The following GRIK5 variants were observed in gnomAD, a reference collection of about 807,000 sequenced individuals.
The protein encoded by GRIK5 is glutamate receptor ionotropic, kainate 5.
Under a neutral mutation model 97.4 loss-of-function variants are expected in GRIK5, and 43 were observed. The ratio of observed to expected loss-of-function variants is 0.44; its 90% CI spans 0.35 to 0.57. The LOEUF (loss-of-function observed/expected upper bound fraction) is 0.57. Among genes scored for constraint, GRIK5 ranks in the 20% least tolerant of loss-of-function variants. GRIK5 has a pLI of 0.01. For missense variants in GRIK5, 1,015 were observed against 1,382.0 expected (o/e 0.73, Z 4.21); for synonymous variants, 580 against 583.5 (o/e 0.99, Z 0.09).
chr19:42,031,112 C>A (rs1434305136), intron 12 of GRIK5, among the ~76,000 whole-genome samples: 1 of 152,168 alleles, frequency 6.6e-6, no homozygotes, highest in Non-Finnish European at 1.5e-5. Flanking sequence ...CTGACTTGCT[C>A]CAATAGAGAA....
chr19:42,066,246 A>G (rs1209265749), intron 1 of GRIK5, among the ~76,000 whole-genome samples: 1 of 151,334 alleles, frequency 6.6e-6, no homozygotes, highest in Non-Finnish European at 1.5e-5. Flanking sequence ...AACCGGCTGG[A>G]GAGGATGCGG....
In GRIK5 at chr19:42,062,104, T is replaced by C. The variant is rs953876166; in HGVS notation, c.508+384A>G. 6.6e-6 allele frequency among the ~76,000 whole-genome samples: 1 copy of C among 152,184 alleles called. No homozygotes were observed. Among genetic ancestry groups the C allele is most frequent in the African/African-American group, 2.4e-5 (1 of 41,442 alleles). ...AGACACAGGCTCTGAACCTCCCAGA[T>C]GGATTAGGATCCCTCCTATGTGATA... On this transcript the variant is annotated intron_variant, in intron 5 of 19. Coordinates refer to ENST00000593562, the MANE Select transcript of GRIK5 (RefSeq NM_002088.5). The surrounding 1 kb of genome is among the most constrained non-coding windows in gnomAD (Gnocchi z 5.3).
chr19:42,024,066 G>A (rs952702819), intron 12 of GRIK5, among the ~76,000 whole-genome samples: 5 of 152,034 alleles, frequency 3.3e-5, no homozygotes, highest in Non-Finnish European at 4.4e-5. Flanking sequence ...GCTCATGCCC[G>A]CCTCAGAGCC....
Position 42,012,542 on chromosome 19 carries a change from C to A in GRIK5, c.1872-5732G>T, listed in dbSNP as rs931038862. On this transcript the variant is annotated intron_variant, in intron 15 of 19. Transcript: ENST00000593562. ...CTAGGATTACAGGCATGAGCCACCACGCCCGGCCAGTTTTCACATTTTTAA... is the reference window on the plus strand; with the variant it reads ...CTAGGATTACAGGCATGAGCCACCAAGCCCGGCCAGTTTTCACATTTTTAA... 2.6e-5 allele frequency among the ~76,000 whole-genome samples: 4 copies of A among 152,240 alleles called. No individual in the cohort carries two copies. The East Asian group carries it at 7.7e-4, about 29-fold the overall frequency.
At chr19:42,013,817 C>G (rs191309686) in intron 15 of GRIK5, among the ~76,000 whole-genome samples, 14 of 152,134 alleles carry the variant, frequency 9.2e-5, no homozygotes, top group Admixed American at 2.6e-4. Flanking sequence ...TGCTTGAGCC[C>G]AAGAGTTTGA....
chr19:42,012,224 G>GTGTATGTA (rs541112270), intron 15 of GRIK5, among the ~76,000 whole-genome samples: 542 of 151,464 alleles, frequency 3.6e-3, no homozygotes, highest in African/African-American at 6.1e-3. Context: ...ATACATGTAT[G>GTGTATGTA]TGTATGTATG....
chr19:42,000,349 G>A (rs369627925), intron 19 of GRIK5, among the ~76,000 whole-genome samples: 3 of 152,206 alleles, frequency 2.0e-5, no homozygotes, highest in African/African-American at 2.4e-5. Flanking sequence ...GGCTGGACCA[G>A]AGCGACCTGA....
Position 42,003,304 on chromosome 19 carries a change from T to TGC in GRIK5, c.2514+26_2514+27dup. On this transcript the variant is annotated intron_variant, in intron 19 of 19. Transcript: ENST00000593562. This position sits in a 1 kb window ranked among gnomAD's most constrained non-coding sequence, Gnocchi z 4.2. The stretch of plus-strand genomic sequence containing the variant: ...CTCAGCCCCTGGGGGTCCCTGTTCC[T>TGC]GCCCACCCCCACCCCCAGCCTCCTC... The TGC allele has an allele frequency of 1.9e-6, 3 of 1,578,368 alleles. No homozygotes were observed. The highest frequency in any genetic ancestry group is 1.3e-5 in the African/African-American group (1 of 74,378).
chr19:42,021,191 G>A lies in GRIK5; in HGVS notation c.1871+110C>T, dbSNP rs1599768775. On this transcript the variant is annotated intron_variant, in intron 15 of 19. Transcript: ENST00000593562. This position sits in a 1 kb window ranked among gnomAD's most constrained non-coding sequence, Gnocchi z 4.2. ...CATTCCTCGTCACACAGCTCTGCAA[G>A]GGAAAACGGGGAATCAAATCTTCCA... is the stretch of plus-strand genomic sequence containing the variant. 2.3e-6 allele frequency: 2 copies of A among 869,736 alleles called. No individual in the cohort carries two copies. The highest frequency in any genetic ancestry group is 5.5e-5 in the East Asian group (2 of 36,368). The allele number at this position is 869,736 out of a possible 1,614,324, so 53.9% of individuals were successfully genotyped here. A position where few individuals can be genotyped will look rare whatever the true frequency, so the allele number is the denominator to read the frequency against.
intron 12 of GRIK5, among the ~76,000 whole-genome samples, chr19:42,024,670 C>T (rs1460446820): frequency 2.6e-5 from 4 of 152,176 alleles, no homozygotes; most frequent in Non-Finnish European, 4.4e-5. Flanking sequence ...CGGGTTTGAC[C>T]GAGTACAGCC....
intron 12 of GRIK5, among the ~76,000 whole-genome samples, chr19:42,041,007 G>T (rs2075970876): frequency 6.6e-6 from 1 of 152,152 alleles, no homozygotes; most frequent in Non-Finnish European, 1.5e-5. Context: ...TGTGGGGTGG[G>T]GTGGGAGGCA....
chr19:42,009,043 A>G (rs1568883989), intron 15 of GRIK5, among the ~76,000 whole-genome samples: 2 of 151,956 alleles, frequency 1.3e-5, no homozygotes, highest in Admixed American at 6.6e-5. Flanking sequence ...CCTGGTCAAC[A>G]TAGCCAGACC....
Position 41,999,075 on chromosome 19 carries a change from C to A in GRIK5, c.2739G>T (p.Pro913=), listed in dbSNP as rs782515257. ...HGGPQRLLDD[P]GPPSGARPAA... ...CGGGTCGGGCTCCGCTGGGGGGCCC[C>A]GGGTCGTCCAGGAGGCGCTGCGGGC... Residue 913 remains proline, a synonymous_variant, in exon 20 of 20, where the codon CCG becomes CCT. Transcript: ENST00000593562. The surrounding 1 kb of genome is among the most constrained non-coding windows in gnomAD (Gnocchi z 5.0). 7.7e-7 allele frequency: 1 copy of A among 1,299,224 alleles called. No individual in the cohort carries two copies. Among genetic ancestry groups the A allele is most frequent in the Admixed American group, 4.2e-5 (1 of 23,930 alleles). 80.5% of individuals were successfully genotyped at this position (1,299,224 alleles called of 1,614,324 possible). A position where few individuals can be genotyped will look rare whatever the true frequency, so the allele number is the denominator to read the frequency against.
chr19:42,031,598 A>G (rs2075841774), intron 12 of GRIK5, among the ~76,000 whole-genome samples: 1 of 152,212 alleles, frequency 6.6e-6, no homozygotes, highest in Admixed American at 6.5e-5. Context: ...AAAGCAGGAA[A>G]AATCAAAATG....
At position 42,065,230 on chromosome 19, in the gene GRIK5, C is replaced by T. The variant is rs187599819; in HGVS notation, c.237G>A (p.Thr79=). The T allele has an allele frequency of 6.2e-5, 100 of 1,610,140 alleles. No individual in the cohort carries two copies. Among genetic ancestry groups the T allele is most frequent in the Middle Eastern group, 1.7e-4 (1 of 6,042 alleles). The change falls in exon 3 of 20, where the codon ACG becomes ACA. Residue 79 remains threonine (T), a synonymous_variant. Coordinates refer to ENST00000593562, the MANE Select transcript of GRIK5 (RefSeq NM_002088.5). This position sits in a 1 kb window ranked among gnomAD's most constrained non-coding sequence, Gnocchi z 5.8. ...ELQRDSQYET[T]DTMCQILPKG... is the part of the protein sequence containing the mutation. Reference sequence around the variant, plus strand: ...CCCCATGGCCCCGCTCACTGGTGTCCGTGGTCTCGTACTGGCTGTCCCGCT... The same window carrying T: ...CCCCATGGCCCCGCTCACTGGTGTCTGTGGTCTCGTACTGGCTGTCCCGCT...
chr19:42,055,758 C>G (rs2076174966), intron 8 of GRIK5, among the ~76,000 whole-genome samples: 1 of 152,098 alleles, frequency 6.6e-6, no homozygotes, highest in Admixed American at 6.5e-5. Flanking sequence ...TGGCTCACTG[C>G]AACCTCTTCT....
rs2076398984 is a variant in GRIK5 at position 42,069,809 on chromosome 19, C to G, written c.-619G>C. On this transcript the variant is annotated 5_prime_UTR_variant, in exon 1 of 20. Coordinates refer to ENST00000593562, the MANE Select transcript of GRIK5 (RefSeq NM_002088.5). ...CCTGGTTGAGGCAAGGGCCCGGAGT[C>G]CTCAAGCCCTCAGCCCCCACGGGAA... is the stretch of plus-strand genomic sequence containing the variant. 6.6e-6 allele frequency among the ~76,000 whole-genome samples: 1 copy of G among 151,974 alleles called. No individual in the cohort carries two copies.
In GRIK5 at chr19:42,054,504, A is replaced by C. The variant is rs769754857; in HGVS notation, c.904-32T>G. On this transcript the variant is annotated intron_variant, in intron 8 of 19. Transcript: ENST00000593562. ...TGGGACAGAGGCGGGGGTGGGATGG[A>C]TAAGAGGCTGCCTAGGCAGAGGAGC... 5 of 1,603,242 alleles carry C rather than the reference A, an allele frequency of 3.1e-6. No individual in the cohort carries two copies. In the African/African-American group the frequency reaches 6.7e-5, roughly 21 times the overall value.
At chr19:42,015,318 T>C (rs1218596578) in intron 15 of GRIK5, among the ~76,000 whole-genome samples, 3 of 152,192 alleles carry the variant, frequency 2.0e-5, no homozygotes, top group Non-Finnish European at 4.4e-5. Flanking sequence ...TGGACCCTTA[T>C]AGAACACTGC....
Sources: allele counts gnomAD v4.1 joint callset (sites outside exome capture counted in the v4.1 genomes callset), GRCh38; gene constraint gnomAD v4.1.1; non-coding constraint Gnocchi (gnomAD v3.1); transcripts MANE v1.5; gene names NCBI Gene and HGNC (gene_info 2026-07-23, HGNC 2026-07-21).